AMOTL1: variants seen among roughly 807,000 people sequenced by gnomAD.
AMOTL1 encodes angiomotin like 1, also known as angiomotin-like protein 1.
Under a neutral mutation model 102.9 loss-of-function variants are expected in AMOTL1, and 45 were observed. The observed-to-expected ratio is 0.44, with a 90% CI of 0.34 to 0.56. The LOEUF (loss-of-function observed/expected upper bound fraction) is 0.56, where lower values mean the gene tolerates loss of function less well. Among genes scored for constraint, AMOTL1 ranks in the 20% least tolerant of loss-of-function variants. AMOTL1 has a pLI of 0.01. For missense variants in AMOTL1, 1,114 were observed against 1,225.6 expected (o/e 0.91, Z 1.36); for synonymous variants, 481 against 484.7 (o/e 0.99, Z 0.10).
chr11:94,732,109 T>C (rs758410632), intron 2 of AMOTL1, among the ~76,000 whole-genome samples: 25 of 152,318 alleles, frequency 1.6e-4, no homozygotes, highest in Admixed American at 9.8e-4. Context: ...CACTGGCTAG[T>C]GCCAGCTATT....
chr11:94,745,354 A>G (rs1040837085), intron 3 of AMOTL1, among the ~76,000 whole-genome samples: 3 of 151,352 alleles, frequency 2.0e-5, no homozygotes, highest in African/African-American at 7.3e-5. Context: ...TCTTCCCACA[A>G]CCAGCCCCCA....
At chr11:94,834,241 G>GT (rs535553027) in intron 6 of AMOTL1, among the ~76,000 whole-genome samples, 5 of 151,952 alleles carry the variant, frequency 3.3e-5, no homozygotes, top group Admixed American at 6.6e-5. Context: ...TTTCAAGTGA[G>GT]TTTTTTTTGG....
At chr11:94,815,697 TA>T (rs1343920865) in intron 3 of AMOTL1, among the ~76,000 whole-genome samples, 4 of 152,006 alleles carry the variant, frequency 2.6e-5, no homozygotes, top group Non-Finnish European at 5.9e-5. Context: ...TAAAACAAGG[TA>T]ATGGTAACCA....
At chr11:94,843,993 C>A (rs1046924782) in intron 6 of AMOTL1, among the ~76,000 whole-genome samples, 3 of 152,148 alleles carry the variant, frequency 2.0e-5, no homozygotes, top group African/African-American at 4.8e-5. Context: ...CCATCAGTCT[C>A]CCTACTCGGC....
chr11:94,833,069 G>C (rs1187482196), intron 6 of AMOTL1, among the ~76,000 whole-genome samples: 1 of 152,216 alleles, frequency 6.6e-6, no homozygotes, highest in Non-Finnish European at 1.5e-5. Context: ...ATCAAGCAAA[G>C]AGGCCCTTCC....
chr11:94,855,016 G>A (rs548616939), intron 8 of AMOTL1, among the ~76,000 whole-genome samples: 7 of 152,336 alleles, frequency 4.6e-5, no homozygotes, highest in Non-Finnish European at 8.8e-5. Context: ...ACTGGTCAAA[G>A]GCTCCTGGCC....
intron 1 of AMOTL1, among the ~76,000 whole-genome samples, chr11:94,793,984 C>T (rs1005857644): frequency 6.6e-6 from 1 of 152,190 alleles, no homozygotes. Flanking sequence ...TGAGGACATT[C>T]CCATCTTATG....
intron 3 of AMOTL1, among the ~76,000 whole-genome samples, chr11:94,813,699 A>G (rs979120348): frequency 2.4e-4 from 36 of 152,196 alleles, no homozygotes; most frequent in Non-Finnish European, 1.0e-4. Context: ...TGTACAAGGA[A>G]GTCCAACTCC....
chr11:94,743,928 G>A (rs754583654), intron 3 of AMOTL1, among the ~76,000 whole-genome samples: 9 of 152,054 alleles, frequency 5.9e-5, no homozygotes, highest in Non-Finnish European at 1.0e-4. Context: ...CTCCCAAAGT[G>A]CTAGGATTAC....
intron 1 of AMOTL1, among the ~76,000 whole-genome samples, chr11:94,780,442 T>C (rs1024302089): frequency 2.0e-5 from 3 of 152,242 alleles, no homozygotes; most frequent in African/African-American, 7.2e-5. Context: ...TCTTCCCTCA[T>C]CCCAAATTCT....
intron 1 of AMOTL1, among the ~76,000 whole-genome samples, chr11:94,794,327 CTG>C (rs1951329706): frequency 1.3e-5 from 2 of 152,186 alleles, no homozygotes. Context: ...ATCAGTGTTA[CTG>C]TAGTACTATC....
intron 3 of AMOTL1, among the ~76,000 whole-genome samples, chr11:94,743,075 G>C (rs937249714): frequency 6.6e-6 from 1 of 152,184 alleles, no homozygotes; most frequent in African/African-American, 2.4e-5. Context: ...TCCCTTCTGG[G>C]ATCTGGGCTT....
intron 2 of AMOTL1, among the ~76,000 whole-genome samples, chr11:94,796,748 C>A (rs747814005): frequency 6.6e-6 from 1 of 152,132 alleles, no homozygotes; most frequent in Non-Finnish European, 1.5e-5. Context: ...AGGACAGTAA[C>A]AATGTCATCT....
intron 2 of AMOTL1, among the ~76,000 whole-genome samples, chr11:94,740,026 C>T (rs986534605): frequency 1.3e-5 from 2 of 152,150 alleles, no homozygotes; most frequent in African/African-American, 4.8e-5. Context: ...CCTCACATAC[C>T]CCTACCATAA....
rs1333865842 is a variant in AMOTL1 at position 94,743,492 on chromosome 11, T to G, written c.136+2504T>G. Among the ~76,000 whole-genome samples, 3 of 152,174 alleles carry G rather than the reference T, an allele frequency of 2.0e-5. No individual in the cohort carries two copies. The East Asian group carries it at 5.8e-4, about 29-fold the overall frequency. ...CATGGTGGTTTTTTGGTGCTTTTCT[T>G]AGACACACAGCAGGAAAAATGCCTT... On this transcript the variant is annotated intron_variant, in intron 3 of 4. Coordinates refer to the AMOTL1 transcript ENST00000299004.
intron 8 of AMOTL1, among the ~76,000 whole-genome samples, chr11:94,856,206 C>G (rs1952660139): frequency 6.6e-6 from 1 of 152,032 alleles, no homozygotes. Context: ...TGCTTGGGAC[C>G]AGAAGTGTTT....
At chr11:94,825,963 T>C (rs1951954951) in intron 4 of AMOTL1, among the ~76,000 whole-genome samples, 1 of 152,130 alleles carries the variant, frequency 6.6e-6, no homozygotes, top group South Asian at 2.1e-4. Context: ...AAAATGTAGT[T>C]AGGAAATGTT....
At chr11:94,707,250 C>CTGTGTGTGTGTG (rs71459746) in intron 1 of AMOTL1, among the ~76,000 whole-genome samples, 9 of 71,796 alleles carry the variant, frequency 1.3e-4, no homozygotes, top group South Asian at 9.6e-4. Context: ...CTCTCTCTCT[C>CTGTGTGTGTGTG]TGTGTGTGTG....
At chr11:94,763,705 C>T (rs1950822153), upstream of AMOTL1, among the ~76,000 whole-genome samples, 1 of 152,086 alleles carries the variant, frequency 6.6e-6, no homozygotes, top group Non-Finnish European at 1.5e-5. Context: ...AAGAAAATCA[C>T]AAGGCAGAGA....
Sources: gnomAD v4.1 joint callset for allele counts (sites outside exome capture counted in the v4.1 genomes callset) on GRCh38, gnomAD v4.1.1 for gene constraint, MANE v1.5 for transcripts, NCBI Gene and HGNC (gene_info 2026-07-23, HGNC 2026-07-21) for gene names.